The following SCUBE2 variants were observed in gnomAD, a reference collection of about 807,000 sequenced individuals.
SCUBE2 encodes the protein signal peptide, CUB and EGF-like domain-containing protein 2.
SCUBE2 carries 114 observed loss-of-function variants against 125.9 expected under a neutral mutation model. That is an observed-to-expected ratio of 0.91 (90% CI 0.78 to 1.06). SCUBE2 has a LOEUF of 1.06. Among genes scored for constraint, SCUBE2 ranks in the 50% least tolerant of loss-of-function variants. SCUBE2 has a pLI of 0.00. For missense variants in SCUBE2, 1,255 were observed against 1,301.8 expected, an observed-to-expected ratio of 0.96 and a Z score of 0.55; for synonymous variants, 459 against 492.9, an observed-to-expected ratio of 0.93 and a Z score of 0.91.
chr11:9,076,623 C>T (rs905208193), intron 3 of SCUBE2, among the ~76,000 whole-genome samples: 1 of 149,566 alleles, frequency 6.7e-6, no homozygotes, highest in Admixed American at 6.7e-5. Context: ...TATAAAAAAT[C>T]AATTTATTTT....
At chr11:9,087,280 T>C (rs58787475) in intron 2 of SCUBE2, among the ~76,000 whole-genome samples, 24 of 152,318 alleles carry the variant, frequency 1.6e-4, no homozygotes, top group African/African-American at 5.1e-4. Context: ...GTGTACTTTA[T>C]CTAAATAAAG....
intron 18 of SCUBE2, 92 bp from the exon 19 acceptor site, chr11:9,030,137 T>A: frequency 7.0e-7 from 1 of 1,420,468 alleles, no homozygotes; most frequent in Non-Finnish European, 9.6e-7. Context: ...GTGAAAGAAA[T>A]GTTTATGTGC....
intron 2 of SCUBE2, among the ~76,000 whole-genome samples, chr11:9,083,499 G>C (rs545394057): frequency 1.3e-5 from 2 of 152,064 alleles, no homozygotes; most frequent in Non-Finnish European, 2.9e-5. Flanking sequence ...GATAATGAGC[G>C]CCAGATTTCT....
chr11:9,054,895 C>T (rs989550275), intron 10 of SCUBE2, among the ~76,000 whole-genome samples: 3 of 151,128 alleles, frequency 2.0e-5, no homozygotes, highest in African/African-American at 7.3e-5. Flanking sequence ...CCACCACGCC[C>T]GGCTAATCTT....
At chr11:9,089,472 A>G (rs1327040586) in intron 2 of SCUBE2, among the ~76,000 whole-genome samples, 1 of 152,248 alleles carries the variant, frequency 6.6e-6, no homozygotes, top group East Asian at 1.9e-4. Context: ...CTTTTCCAGA[A>G]GCTAGACAAA....
At chr11:9,076,895 A>G (rs953173280) in intron 3 of SCUBE2, among the ~76,000 whole-genome samples, 6 of 152,076 alleles carry the variant, frequency 3.9e-5, no homozygotes, top group African/African-American at 1.4e-4. Flanking sequence ...GCTGGAACAC[A>G]CCTGGCCTAG....
chr11:9,089,625 T>C, intron 2 of SCUBE2, 82 bp downstream of exon 2: 1 of 1,505,790 alleles, frequency 6.6e-7, no homozygotes, highest in South Asian at 1.3e-5. Flanking sequence ...GCAGTACTTT[T>C]ACCAACATAA....
intron 5 of SCUBE2, among the ~76,000 whole-genome samples, chr11:9,067,216 C>A (rs767516496): frequency 1.3e-5 from 2 of 152,154 alleles, no homozygotes; most frequent in Non-Finnish European, 2.9e-5. Context: ...ATAAAACAGA[C>A]AATATTTAAT....
At chr11:9,089,900 G>A (rs1182066022) in intron 1 of SCUBE2, 71 bp from the exon 2 acceptor site, 1 of 1,560,336 alleles carries the variant, frequency 6.4e-7, no homozygotes, top group Admixed American at 1.8e-5. Context: ...GGCCCTGTCT[G>A]GCATCATCCT....
intron 16 of SCUBE2, among the ~76,000 whole-genome samples, chr11:9,036,720 G>A (rs532555433): frequency 4.8e-4 from 73 of 152,312 alleles, no homozygotes; most frequent in African/African-American, 1.7e-3. Context: ...ACCAGGCCTG[G>A]TTCTCACTGA....
Position 9,091,461 on chromosome 11 carries a change from GGCAGCAGCAGCAGCA to G in SCUBE2, c.53_67del (p.Leu18_Leu22del), listed in dbSNP as rs59844091. ...GGCCCCCGCCAGCAGCAGCAGTGGC[GGCAGCAGCAGCAGCA>G]GCAGCAGCACCGCCCAGGCCGCCCC... On this transcript the variant is annotated inframe_deletion, in exon 1 of 23. Transcript: ENST00000649792. The surrounding 1 kb of genome is among the most constrained non-coding windows in gnomAD (Gnocchi z 8.5). 3.3e-6 allele frequency: 4 copies of G among 1,223,022 alleles called. No individual in the cohort carries two copies. The Admixed American group carries it at 1.0e-4, about 31-fold the overall frequency. The allele number at this position is 1,223,022 out of a possible 1,614,324, so 75.8% of individuals were successfully genotyped here.
chr11:9,020,884 C>A lies in SCUBE2; in HGVS notation c.*161G>T, dbSNP rs1855240970. 1.5e-5 allele frequency: 9 copies of A among 607,838 alleles called. No individual in the cohort carries two copies. The allele number at this position is 607,838 out of a possible 1,614,324, so 37.7% of individuals were successfully genotyped here. ...GATGCTGGGAAAGAAAAACCAAGTTCAATTTACCAAAATATCTGTATTATC... is the reference window on the plus strand; with the variant it reads ...GATGCTGGGAAAGAAAAACCAAGTTAAATTTACCAAAATATCTGTATTATC... On this transcript the variant is annotated 3_prime_UTR_variant, in exon 23 of 23. Coordinates refer to ENST00000649792, the MANE Select transcript of SCUBE2 (RefSeq NM_001367977.2).
chr11:9,046,442 G>A (rs1240410672), intron 16 of SCUBE2, among the ~76,000 whole-genome samples: 2 of 152,168 alleles, frequency 1.3e-5, no homozygotes, highest in African/African-American at 2.4e-5. Context: ...GCCAGTCCAT[G>A]GGGCCCTTGA....
At chr11:9,088,065 C>T (rs1040369082) in intron 2 of SCUBE2, among the ~76,000 whole-genome samples, 6 of 152,210 alleles carry the variant, frequency 3.9e-5, no homozygotes, top group African/African-American at 1.4e-4. Flanking sequence ...CACTGCTGAG[C>T]ATTATATACT....
At chr11:9,088,805 AAAG>A (rs1862350956) in intron 2 of SCUBE2, among the ~76,000 whole-genome samples, 1 of 152,206 alleles carries the variant, frequency 6.6e-6, no homozygotes, top group South Asian at 2.1e-4. Context: ...TCACTCATCC[AAAG>A]AAGGACAGCA....
Position 9,025,758 on chromosome 11 carries a change from T to C in SCUBE2, c.2798A>G (p.Lys933Arg), listed in dbSNP as rs1855682705. Reference sequence around the variant, plus strand: ...TCTAGCGCTGTTCCCTTCATTGGACTTGAACTGAATCCACAGCTTCTTTGA... The same window carrying C: ...TCTAGCGCTGTTCCCTTCATTGGACCTGAACTGAATCCACAGCTTCTTTGA... Reference protein sequence around the residue: ...SRSKKLWIQFKSNEGNSARGF... With the variant: ...SRSKKLWIQFRSNEGNSARGF... Residue 933 changes from lysine (K) to arginine (R), a missense_variant, in exon 21 of 23, where the codon AAG becomes AGG. Physicochemically the swap from Lys to Arg is conservative, Grantham distance 26 (BLOSUM62 2). Coordinates refer to ENST00000649792, the MANE Select transcript of SCUBE2 (RefSeq NM_001367977.2). 1 of 1,614,224 alleles carries C rather than the reference T, an allele frequency of 6.2e-7. No homozygotes were observed. The highest frequency in any genetic ancestry group is 2.2e-5 in the East Asian group (1 of 44,884).
chr11:9,027,978 T>A (rs990560135), intron 19 of SCUBE2, among the ~76,000 whole-genome samples: 1 of 152,338 alleles, frequency 6.6e-6, no homozygotes, highest in African/African-American at 2.4e-5. Flanking sequence ...CAGAGAACTT[T>A]GATGAAGACA....
At chr11:9,066,923 G>T in intron 5 of SCUBE2, 110 bp from the exon 6 acceptor site, 1 of 847,104 alleles carries the variant, frequency 1.2e-6, no homozygotes, top group Non-Finnish European at 2.0e-6. Flanking sequence ...TGAGCACCTA[G>T]TGCATGCCAG....
In SCUBE2 at chr11:9,025,781, T is replaced by C. The variant is rs768801595; in HGVS notation, c.2775A>G (p.Ser925=). The change falls in exon 21 of 23, where the codon TCA becomes TCG. Residue 925 remains serine, a synonymous_variant. Transcript: ENST00000649792. The part of the protein sequence containing the change: ...YERPIAFTSR[S]KKLWIQFKSN... ...ACTTGAACTGAATCCACAGCTTCTT[T>C]GACCTGGAGGTGAAGGCGATGGGGC... 1.9e-6 allele frequency: 3 copies of C among 1,614,196 alleles called. No homozygotes were observed. The highest frequency in any genetic ancestry group is 2.5e-6 in the Non-Finnish European group (3 of 1,180,034).
Sources: allele counts gnomAD v4.1 joint callset (sites outside exome capture counted in the v4.1 genomes callset), GRCh38; gene constraint gnomAD v4.1.1; non-coding constraint Gnocchi (gnomAD v3.1); transcripts MANE v1.5; gene names NCBI Gene and HGNC (gene_info 2026-07-23, HGNC 2026-07-21).